The following KCNH8 variants were observed in gnomAD, a reference collection of about 807,000 sequenced individuals.
KCNH8 encodes the protein potassium voltage-gated channel subfamily H member 8.
In KCNH8, 70 loss-of-function variants were observed where a neutral mutation model predicts 103.6. The observed-to-expected ratio is 0.68, with a 90% CI of 0.56 to 0.82. KCNH8 has a LOEUF of 0.82. Among genes scored for constraint, KCNH8 ranks in the 40% least tolerant of loss-of-function variants. The probability of loss-of-function intolerance (pLI) is 0.00; values close to 1 mark genes in which losing one functional copy is unlikely to be tolerated. For missense variants in KCNH8, 1,217 were observed against 1,329.9 expected (o/e 0.92, Z 1.32); for synonymous variants, 498 against 489.4 (o/e 1.02, Z -0.23).
intron 11 of KCNH8, among the ~76,000 whole-genome samples, chr3:19,476,981 CTTTAT>C (rs951647627): frequency 6.6e-6 from 1 of 152,044 alleles, no homozygotes; most frequent in Non-Finnish European, 1.5e-5. Context: ...AACAGTTTTA[CTTTAT>C]TTAAGTAAAG....
chr3:19,450,296 T>C lies in KCNH8; in HGVS notation c.1566T>C (p.Asp522=), dbSNP rs1378567280. The change falls in exon 9 of 16, where the codon GAT becomes GAC. Residue 522 remains aspartate (D), a synonymous_variant. Coordinates refer to ENST00000328405, the MANE Select transcript of KCNH8 (RefSeq NM_144633.3). ...QTTWSVNNGI[D]SNELLKDFPD... is the part of the protein sequence containing the mutation. ...CCTGGTCAGTCAACAATGGAATAGATTCAAATGAGGTAATGTTCATTTCTC... is the reference window on the plus strand; with the variant it reads ...CCTGGTCAGTCAACAATGGAATAGACTCAAATGAGGTAATGTTCATTTCTC... 1.2e-6 allele frequency: 2 copies of C among 1,611,126 alleles called. No homozygotes were observed. The highest frequency in any genetic ancestry group is 1.7e-6 in the Non-Finnish European group (2 of 1,177,410).
chr3:19,472,547 C>T (rs190512798), intron 11 of KCNH8, among the ~76,000 whole-genome samples: 12 of 152,212 alleles, frequency 7.9e-5, no homozygotes, highest in African/African-American at 2.4e-4. Context: ...GTGACTTGCT[C>T]CTCCTTGCCT....
chr3:19,302,156 A>G lies in KCNH8; in HGVS notation c.442+20827A>G, dbSNP rs185801715. The stretch of plus-strand genomic sequence containing the variant: ...TTTGGGGTGTGAGACTGAAGGTTCC[A>G]ACCCTCCAATCAAGTGATTGGTTCC... On this transcript the variant is annotated intron_variant, in intron 3 of 15. Coordinates refer to ENST00000328405, the MANE Select transcript of KCNH8 (RefSeq NM_144633.3). Among the ~76,000 whole-genome samples, 22 of 152,266 alleles carry G rather than the reference A, an allele frequency of 1.4e-4. No homozygotes were observed. The East Asian group carries it at 3.3e-3, about 23-fold the overall frequency.
At chr3:19,470,031 G>A (rs1365047971) in intron 11 of KCNH8, among the ~76,000 whole-genome samples, 2 of 152,056 alleles carry the variant, frequency 1.3e-5, no homozygotes, top group Non-Finnish European at 2.9e-5. Context: ...TCAAAGGAAA[G>A]TAGTTACTTT....
rs764494278 is a variant in KCNH8, at chr3:19,450,279, G to A, written c.1549G>A (p.Val517Ile). The A allele has an allele frequency of 1.9e-6, 3 of 1,613,350 alleles. No individual in the cohort carries two copies. In the South Asian group the frequency reaches 3.3e-5, roughly 18 times the overall value. The change falls in exon 9 of 16, where the codon GTC becomes ATC. Residue 517 changes from valine (V) to isoleucine (I), a missense_variant. Physicochemically the swap from Val to Ile is conservative, Grantham distance 29. Around this residue, in one of 3 missense-constraint regions of KCNH8, gnomAD observed 415 missense variants for 577.4 expected, o/e 0.72. Coordinates refer to ENST00000328405, the MANE Select transcript of KCNH8 (RefSeq NM_144633.3). ...MLEYFQTTWS[V>I]NNGIDSNELL... ...CGAATATTTTCAAACAACCTGGTCA[G>A]TCAACAATGGAATAGATTCAAATGA... is the stretch of plus-strand genomic sequence containing the variant.
chr3:19,270,844 C>T (rs544048177), intron 2 of KCNH8, among the ~76,000 whole-genome samples: 1 of 152,168 alleles, frequency 6.6e-6, no homozygotes, highest in East Asian at 2.0e-4. Context: ...AGATCCTTAA[C>T]CATTTCTTTT....
chr3:19,473,831 CTTTAA>C (rs912300372), intron 11 of KCNH8, among the ~76,000 whole-genome samples: 3 of 152,140 alleles, frequency 2.0e-5, no homozygotes, highest in Admixed American at 6.6e-5. Flanking sequence ...GAAGCAATGT[CTTTAA>C]TTTAGATTTT....
At chr3:19,172,302 T>A (rs2063355893) in intron 1 of KCNH8, among the ~76,000 whole-genome samples, 1 of 152,198 alleles carries the variant, frequency 6.6e-6, no homozygotes, top group Non-Finnish European at 1.5e-5. Flanking sequence ...TTTACTTATA[T>A]ACTTCTCTTC....
intron 11 of KCNH8, among the ~76,000 whole-genome samples, chr3:19,459,475 GTTGAGT>G (rs1387249976): frequency 6.6e-6 from 1 of 151,848 alleles, no homozygotes; most frequent in East Asian, 1.9e-4. Context: ...TTGTTACTGA[GTTGAGT>G]TTATGTATTT....
At chr3:19,475,025 G>C (rs1459950109) in intron 11 of KCNH8, among the ~76,000 whole-genome samples, 2 of 152,060 alleles carry the variant, frequency 1.3e-5, no homozygotes, top group Non-Finnish European at 2.9e-5. Context: ...GGCCAGAATT[G>C]TTCCTCCAAA....
intron 5 of KCNH8, among the ~76,000 whole-genome samples, chr3:19,387,371 T>C (rs1431840725): frequency 6.6e-6 from 1 of 152,204 alleles, no homozygotes; most frequent in African/African-American, 2.4e-5. Flanking sequence ...AAACATCCTC[T>C]GTCTCTGTTG....
chr3:19,302,081 G>C (rs1281740887), intron 3 of KCNH8, among the ~76,000 whole-genome samples: 1 of 152,072 alleles, frequency 6.6e-6, no homozygotes, highest in Non-Finnish European at 1.5e-5. Flanking sequence ...AACTATGATT[G>C]ATTAAAACAT....
At chr3:19,507,903 A>T (rs1366204933) in intron 11 of KCNH8, among the ~76,000 whole-genome samples, 1 of 152,150 alleles carries the variant, frequency 6.6e-6, no homozygotes, top group Non-Finnish European at 1.5e-5. Flanking sequence ...ACCTTCCCAA[A>T]AGATGGCTCT....
chr3:19,400,182 A>G (rs1272560209), intron 7 of KCNH8, among the ~76,000 whole-genome samples: 2 of 148,204 alleles, frequency 1.3e-5, no homozygotes, highest in African/African-American at 2.5e-5. Flanking sequence ...CCATTACTAT[A>G]TACAATGAAG....
chr3:19,473,460 CCT>C (rs2067905565), intron 11 of KCNH8, among the ~76,000 whole-genome samples: 1 of 152,070 alleles, frequency 6.6e-6, no homozygotes, highest in Non-Finnish European at 1.5e-5. Flanking sequence ...ATTAAATAAC[CCT>C]ATGGTCACAG....
chr3:19,394,952 GATATA>G (rs1273751337), intron 6 of KCNH8, 147 bp from the exon 7 acceptor site: 30 of 629,328 alleles, frequency 4.8e-5, no homozygotes, highest in African/African-American at 3.9e-4. Flanking sequence ...ATCACTTTCT[GATATA>G]ATATGTCAAG....
intron 3 of KCNH8, among the ~76,000 whole-genome samples, chr3:19,322,999 A>G (rs1241640308): frequency 6.6e-6 from 1 of 151,826 alleles, no homozygotes; most frequent in Non-Finnish European, 1.5e-5. Flanking sequence ...TTTCCTGTGC[A>G]TTTTGCAATT....
Position 19,253,863 on chromosome 3 carries a change from GA to G in KCNH8, c.289del (p.Ile97LeufsTer20). On this transcript the variant is annotated frameshift_variant, in exon 2 of 16. Transcript: ENST00000328405. LOFTEE classifies it high-confidence loss of function. ...SLEEKTEFKG[E>X]IMFYKKNGSP... The stretch of plus-strand genomic sequence containing the variant: ...GGAGGAGAAAACAGAATTCAAAGGA[GA>G]AATTATGTTCTACAAGAAAAACGGT... The G allele has an allele frequency of 6.2e-7, 1 of 1,612,870 alleles. No homozygotes were observed. The highest frequency in any genetic ancestry group is 8.5e-7 in the Non-Finnish European group (1 of 1,179,056).
chr3:19,268,816 T>C (rs1313221279), intron 2 of KCNH8, among the ~76,000 whole-genome samples: 1 of 152,070 alleles, frequency 6.6e-6, no homozygotes, highest in Non-Finnish European at 1.5e-5. Flanking sequence ...CACTAAAGGT[T>C]GAGAAGCCAT....
Sources: gnomAD v4.1 joint callset for allele counts (sites outside exome capture counted in the v4.1 genomes callset) on GRCh38, gnomAD v4.1.1 for gene constraint, gnomAD v4.1.1 regional missense constraint, MANE v1.5 for transcripts, NCBI Gene and HGNC (gene_info 2026-07-23, HGNC 2026-07-21) for gene names.